The following MACROD2 variants were observed in gnomAD, a reference collection of about 807,000 sequenced individuals.
MACROD2 encodes the protein mono-ADP ribosylhydrolase 2, also known as ADP-ribose glycohydrolase MACROD2.
In MACROD2, 36 loss-of-function variants were observed where a neutral mutation model predicts 70.4. The ratio of observed to expected loss-of-function variants is 0.51; its 90% CI spans 0.39 to 0.68. MACROD2 has a LOEUF of 0.68. Among genes scored for constraint, MACROD2 ranks in the 30% least tolerant of loss-of-function variants. The pLI is 0.00. For synonymous variants in MACROD2, 172 were observed against 178.8 expected, an observed-to-expected ratio of 0.96 and a Z score of 0.30; for missense variants, 496 against 538.4, an observed-to-expected ratio of 0.92 and a Z score of 0.78.
chr20:15,553,213 C>G (rs909289969), intron 8 of MACROD2, among the ~76,000 whole-genome samples: 10 of 152,106 alleles, frequency 6.6e-5, no homozygotes, highest in Admixed American at 6.5e-4. Context: ...TGAGAACACA[C>G]GAGTCGACAA....
intron 5 of MACROD2, among the ~76,000 whole-genome samples, chr20:15,176,462 A>G (rs2076462768): frequency 6.6e-6 from 1 of 152,098 alleles, no homozygotes; most frequent in Admixed American, 6.5e-5. Context: ...TTATGAGCCC[A>G]TAAAAACCCC....
intron 2 of MACROD2, among the ~76,000 whole-genome samples, chr20:14,071,753 A>C (rs1401024136): frequency 6.6e-6 from 1 of 152,156 alleles, no homozygotes; most frequent in Non-Finnish European, 1.5e-5. Context: ...GAGGTGAAAT[A>C]GTAACATAAT....
intron 5 of MACROD2, among the ~76,000 whole-genome samples, chr20:14,839,293 C>T (rs1471799186): frequency 6.6e-6 from 1 of 152,050 alleles, no homozygotes; most frequent in African/African-American, 2.4e-5. Flanking sequence ...CTCCTTTTAG[C>T]TTCTTAATAC....
At chr20:14,936,028 C>G (rs1937833574) in intron 5 of MACROD2, among the ~76,000 whole-genome samples, 1 of 152,044 alleles carries the variant, frequency 6.6e-6, no homozygotes. Context: ...CCATAAGGTA[C>G]AAGACAGCTG....
intron 3 of MACROD2, among the ~76,000 whole-genome samples, chr20:14,368,763 C>T (rs1746616071): frequency 6.6e-6 from 1 of 151,886 alleles, no homozygotes; most frequent in African/African-American, 2.4e-5. Flanking sequence ...CAGCTAGTGT[C>T]TTGATAGAGA....
rs147176822 is a variant in MACROD2, at chr20:15,205,448, A to G, written c.419-24492A>G. ...ATAATCCATGTTAAGGAATGAGTCAAGTTCCTAGAAGGAGCATCCATACAG... is the reference window on the plus strand; with the variant it reads ...ATAATCCATGTTAAGGAATGAGTCAGGTTCCTAGAAGGAGCATCCATACAG... On this transcript the variant is annotated intron_variant, in intron 5 of 17. Transcript: ENST00000684519. Among the ~76,000 whole-genome samples, 1,249 of 152,298 alleles carry G rather than the reference A, an allele frequency of 8.2e-3. 7 individuals are homozygous for G. Among genetic ancestry groups the G allele is most frequent in the Non-Finnish European group, 0.01 (700 of 68,024 alleles).
At chr20:15,111,155 TTTTG>T (rs142476863) in intron 5 of MACROD2, among the ~76,000 whole-genome samples, 31,906 of 146,546 alleles carry the variant, frequency 0.22, 4,691 homozygotes, top group Non-Finnish European at 0.32. Context: ...CCGTAGTGTT[TTTTG>T]TTTGTTTGTT....
chr20:15,553,084 G>A (rs777078111), intron 8 of MACROD2, among the ~76,000 whole-genome samples: 18 of 152,166 alleles, frequency 1.2e-4, no homozygotes, highest in Admixed American at 2.0e-4. Flanking sequence ...AAGTGCACAG[G>A]AAATTATTCT....
intron 5 of MACROD2, among the ~76,000 whole-genome samples, chr20:14,956,057 T>C (rs73093922): frequency 0.037 from 5,628 of 151,992 alleles, 147 homozygotes; most frequent in Non-Finnish European, 0.06. Flanking sequence ...ACTTATGTGA[T>C]GTTTTTATTG....
In MACROD2 at chr20:15,681,974, C is replaced by T. The variant is rs541397164; in HGVS notation, c.646-180771C>T. The stretch of plus-strand genomic sequence containing the variant: ...TTGGTGGCCATTCTTCTGAATAGCC[C>T]TTCCAAAAGTCTTGGTATTTTTGGC... On this transcript the variant is annotated intron_variant, in intron 8 of 17. Transcript: ENST00000684519. 3.3e-5 allele frequency among the ~76,000 whole-genome samples: 5 copies of T among 152,266 alleles called. No homozygotes were observed. In the South Asian group the frequency reaches 1.0e-3, roughly 32 times the overall value.
chr20:14,174,200 T>C (rs1217900454), intron 3 of MACROD2, among the ~76,000 whole-genome samples: 1 of 152,110 alleles, frequency 6.6e-6, no homozygotes, highest in Non-Finnish European at 1.5e-5. Context: ...TATTCAGGTT[T>C]CTCAGGTGGT....
intron 5 of MACROD2, among the ~76,000 whole-genome samples, chr20:15,142,015 A>G (rs948125202): frequency 2.0e-5 from 3 of 152,200 alleles, no homozygotes; most frequent in African/African-American, 7.2e-5. Context: ...GCCAGTTCTC[A>G]TAATCAGTTT....
intron 8 of MACROD2, among the ~76,000 whole-genome samples, chr20:15,600,667 T>C (rs900552909): frequency 6.6e-6 from 1 of 152,216 alleles, no homozygotes; most frequent in African/African-American, 2.4e-5. Context: ...GGTAACGGCA[T>C]TTTAAAAAAT....
chr20:14,504,621 G>T (rs1046177781), intron 4 of MACROD2, among the ~76,000 whole-genome samples: 11 of 152,056 alleles, frequency 7.2e-5, no homozygotes, highest in Non-Finnish European at 1.3e-4. Flanking sequence ...TCTGGAAATA[G>T]CTTTACCCCT....
intron 5 of MACROD2, among the ~76,000 whole-genome samples, chr20:14,781,311 G>A (rs2072297713): frequency 2.6e-5 from 4 of 151,632 alleles, no homozygotes; most frequent in Admixed American, 2.6e-4. Context: ...AGGCATTTCT[G>A]TATAGCATTT....
intron 4 of MACROD2, among the ~76,000 whole-genome samples, chr20:14,639,568 T>C (rs1373662975): frequency 6.6e-6 from 1 of 152,152 alleles, no homozygotes; most frequent in Non-Finnish European, 1.5e-5. Context: ...GCCGTCAGGA[T>C]ACACATACGC....
intron 5 of MACROD2, among the ~76,000 whole-genome samples, chr20:15,164,752 T>C (rs1272441615): frequency 6.6e-6 from 1 of 151,976 alleles, no homozygotes; most frequent in Non-Finnish European, 1.5e-5. Flanking sequence ...TTTAAAAAAG[T>C]TAGCCAGGCA....
At chr20:15,082,263 A>C (rs376242819) in intron 5 of MACROD2, among the ~76,000 whole-genome samples, 3 of 152,184 alleles carry the variant, frequency 2.0e-5, no homozygotes, top group Non-Finnish European at 4.4e-5. Flanking sequence ...CGTGTGTCTG[A>C]ATCTCCCCCT....
intron 15 of MACROD2, among the ~76,000 whole-genome samples, chr20:16,007,242 A>T (rs2066801710): frequency 6.6e-6 from 1 of 152,224 alleles, no homozygotes; most frequent in African/African-American, 2.4e-5. Flanking sequence ...TGCATAGGAG[A>T]GTGATAAATT....
Sources: gnomAD v4.1 joint callset for allele counts (sites outside exome capture counted in the v4.1 genomes callset) on GRCh38, gnomAD v4.1.1 for gene constraint, MANE v1.5 for transcripts, NCBI Gene and HGNC (gene_info 2026-07-23, HGNC 2026-07-21) for gene names.